Variants in GCLM observed in about 807,000 individuals in gnomAD.
GCLM encodes glutamate-cysteine ligase modifier subunit.
Under a neutral mutation model 36.0 loss-of-function variants are expected in GCLM, and 15 were observed. That is an observed-to-expected ratio of 0.42 (90% CI 0.28 to 0.64). The LOEUF (loss-of-function observed/expected upper bound fraction) is 0.64, where lower values mean the gene tolerates loss of function less well. Among genes scored for constraint, GCLM ranks in the 30% least tolerant of loss-of-function variants. The pLI is 0.25. For missense variants in GCLM, 242 were observed against 325.5 expected (o/e 0.74, Z 1.97); for synonymous variants, 129 against 122.8 (o/e 1.05, Z -0.34).
intron 6 of GCLM, among the ~76,000 whole-genome samples, chr1:93,892,368 GA>G (rs1293059297): frequency 6.6e-6 from 1 of 152,072 alleles, no homozygotes; most frequent in Non-Finnish European, 1.5e-5. Flanking sequence ...AAATTTTACA[GA>G]GTTAAATGTT....
At chr1:93,891,795 C>T (rs865959949) in intron 6 of GCLM, among the ~76,000 whole-genome samples, 1 of 152,166 alleles carries the variant, frequency 6.6e-6, no homozygotes, top group African/African-American at 2.4e-5. Flanking sequence ...TGCTGTGATA[C>T]CTGAATAGCA....
chr1:93,904,438 C>A (rs1384233824), intron 2 of GCLM, 85 bp downstream of exon 2: 1 of 867,898 alleles, frequency 1.2e-6, no homozygotes, highest in African/African-American at 1.7e-5. Flanking sequence ...TATTTGACTT[C>A]CCTCACAAAA....
intron 6 of GCLM, among the ~76,000 whole-genome samples, chr1:93,894,118 T>C (rs1258585475): frequency 6.6e-6 from 1 of 151,480 alleles, no homozygotes; most frequent in Non-Finnish European, 1.5e-5. Flanking sequence ...ATTAGCTAAG[T>C]GTGGTGGTAT....
At chr1:93,899,494 A>G (rs1398725918) in intron 3 of GCLM, among the ~76,000 whole-genome samples, 1 of 152,194 alleles carries the variant, frequency 6.6e-6, no homozygotes, top group Non-Finnish European at 1.5e-5. Context: ...TACTAGTTCC[A>G]GTTTTCTGTT....
rs1656411428 is a variant in GCLM, at chr1:93,888,636, T to C, written c.*354A>G. The C allele has an allele frequency of 6.4e-6, 1 of 157,176 alleles. No individual in the cohort carries two copies. Among genetic ancestry groups the C allele is most frequent in the African/African-American group, 2.4e-5 (1 of 41,652 alleles). 9.7% of individuals were successfully genotyped at this position (157,176 alleles called of 1,614,324 possible). A position where few individuals can be genotyped will look rare whatever the true frequency, so the allele number is the denominator to read the frequency against. On this transcript the variant is annotated 3_prime_UTR_variant, in exon 7 of 7. Transcript: ENST00000370238. ...GCAATTAATGAATTTTTTTTGGAAA[T>C]AAAAAATATGTATATACATTACCCT...
chr1:93,908,512 G>GTA (rs1185665583), intron 1 of GCLM, among the ~76,000 whole-genome samples: 2 of 152,180 alleles, frequency 1.3e-5, no homozygotes, highest in Admixed American at 6.5e-5. Context: ...TAAAGTCAGG[G>GTA]TATTTAGGGT....
In GCLM at chr1:93,886,641, C is replaced by T. The variant is rs1179879895; in HGVS notation, c.*2349G>A. On this transcript the variant is annotated 3_prime_UTR_variant, in exon 7 of 7. Transcript: ENST00000370238. ...AGTTGAGGGTGCAGGTAGGAGATCACCAAAAAGCTCTGCTGAAGTTTAGAT... is the reference window on the plus strand; with the variant it reads ...AGTTGAGGGTGCAGGTAGGAGATCATCAAAAAGCTCTGCTGAAGTTTAGAT... 6.6e-6 allele frequency: 1 copy of T among 152,038 alleles called. No homozygotes were observed. The highest frequency in any genetic ancestry group is 1.5e-5 in the Non-Finnish European group (1 of 68,012). 9.4% of individuals were successfully genotyped at this position (152,038 alleles called of 1,614,324 possible). A position where few individuals can be genotyped will look rare whatever the true frequency, so the allele number is the denominator to read the frequency against.
intron 3 of GCLM, among the ~76,000 whole-genome samples, chr1:93,898,369 T>C (rs897784713): frequency 8.7e-5 from 13 of 148,904 alleles, no homozygotes; most frequent in African/African-American, 3.2e-4. Context: ...ATTTTCATTT[T>C]CAGACACTAT....
At chr1:93,893,476 T>TA (rs1656608894) in intron 6 of GCLM, among the ~76,000 whole-genome samples, 1 of 152,222 alleles carries the variant, frequency 6.6e-6, no homozygotes, top group Admixed American at 6.5e-5. Context: ...ATTCTTAAAA[T>TA]GAGCAAACTG....
intron 2 of GCLM, among the ~76,000 whole-genome samples, chr1:93,903,663 C>T (rs1222555810): frequency 1.3e-5 from 2 of 151,846 alleles, no homozygotes; most frequent in Non-Finnish European, 2.9e-5. Context: ...TTCCTGAGTG[C>T]AGCAGAAAAA....
rs1656357920 is a variant in GCLM, at chr1:93,887,449, G to T, written c.*1541C>A. 1 of 149,174 alleles carries T rather than the reference G, an allele frequency of 6.7e-6. No homozygotes were observed. The highest frequency in any genetic ancestry group is 1.5e-5 in the Non-Finnish European group (1 of 67,412). The allele number at this position is 149,174 out of a possible 1,614,324, so 9.2% of individuals were successfully genotyped here. A position where few individuals can be genotyped will look rare whatever the true frequency, so the allele number is the denominator to read the frequency against. ...AAAATTAGTTTTATTTAGGCCTGTG[G>T]TTTAAAAATATTGAGATACAAGAGT... On this transcript the variant is annotated 3_prime_UTR_variant, in exon 7 of 7. Transcript: ENST00000370238.
At position 93,886,533 on chromosome 1, in the gene GCLM, G is replaced by A. The variant is rs949790880; in HGVS notation, c.*2457C>T. ...TCAATAATAGAAAATCAAGAGTAGAGAGGTAAAAGTAAAAACTCATCAAAA... is the reference window on the plus strand; with the variant it reads ...TCAATAATAGAAAATCAAGAGTAGAAAGGTAAAAGTAAAAACTCATCAAAA... On this transcript the variant is annotated 3_prime_UTR_variant, in exon 7 of 7. Transcript: ENST00000370238. The A allele has an allele frequency of 6.6e-6, 1 of 152,110 alleles. No individual in the cohort carries two copies. The highest frequency in any genetic ancestry group is 6.6e-5 in the Admixed American group (1 of 15,252). 9.4% of individuals were successfully genotyped at this position (152,110 alleles called of 1,614,324 possible). A position where few individuals can be genotyped will look rare whatever the true frequency, so the allele number is the denominator to read the frequency against.
chr1:93,898,029 A>G (rs1382487947), intron 3 of GCLM, 131 bp from the exon 4 acceptor site: 5 of 455,628 alleles, frequency 1.1e-5, no homozygotes, highest in Non-Finnish European at 1.9e-5. Context: ...TCCCAGTCAC[A>G]TAACTTTATA....
At chr1:93,896,880 A>T (rs1656755128) in intron 4 of GCLM, 60 bp from the exon 5 acceptor site, 5 of 940,064 alleles carry the variant, frequency 5.3e-6, no homozygotes, top group Non-Finnish European at 8.7e-6. Context: ...AAATATTTCT[A>T]ATGTTTTCAA....
At position 93,909,097 on chromosome 1, in the gene GCLM, C is replaced by T; in HGVS notation, c.67G>A (p.Gly23Arg). 6.8e-7 allele frequency: 1 copy of T among 1,472,848 alleles called. No homozygotes were observed. The highest frequency in any genetic ancestry group is 9.0e-7 in the Non-Finnish European group (1 of 1,117,164). 91.2% of individuals were successfully genotyped at this position (1,472,848 alleles called of 1,614,324 possible). The change falls in exon 1 of 7, where the codon GGG becomes AGG. Residue 23 changes from glycine to arginine, a missense_variant. By Grantham distance (125) the Gly-to-Arg change is moderately radical. Transcript: ENST00000370238. ...ARARTLHLQTGNLLNWGRLRK... is the reference protein window; with the variant it reads ...ARARTLHLQTRNLLNWGRLRK... Reference sequence around the variant, plus strand: ...AGGCGGCCCCAGTTCAGCAGGTTCCCCGTCTGCAGGTGCAGGGTGCGGGCC... The same window carrying T: ...AGGCGGCCCCAGTTCAGCAGGTTCCTCGTCTGCAGGTGCAGGGTGCGGGCC...
At position 93,894,688 on chromosome 1, in the gene GCLM, C is replaced by T; in HGVS notation, c.581G>A (p.Cys194Tyr). 3 of 1,611,078 alleles carry T rather than the reference C, an allele frequency of 1.9e-6. No homozygotes were observed. The highest frequency in any genetic ancestry group is 2.5e-6 in the Non-Finnish European group (3 of 1,177,408). Residue 194 changes from cysteine (C) to tyrosine (Y), a missense_variant, in exon 6 of 7, where the codon TGT becomes TAT. Coordinates refer to ENST00000370238, the MANE Select transcript of GCLM (RefSeq NM_002061.4). ...TGCAGTCAAATCTGGTGGCATCACA[C>T]AGCAGGAGGCAAGATTAACTTGGTT... is the stretch of plus-strand genomic sequence containing the variant. ...NSNQVNLASC[C>Y]VMPPDLTAFA... is the part of the protein sequence containing the mutation.
At chr1:93,904,679 G>A (rs1657078733) in intron 1 of GCLM, 91 bp from the exon 2 acceptor site, 13 of 813,950 alleles carry the variant, frequency 1.6e-5, no homozygotes, top group Admixed American at 1.4e-4. Context: ...TGATAAGCAG[G>A]AAAAAAAAGA....
intron 4 of GCLM, among the ~76,000 whole-genome samples, 182 bp downstream of exon 4, chr1:93,897,657 T>C (rs1430102652): frequency 6.6e-5 from 10 of 152,274 alleles, no homozygotes; most frequent in African/African-American, 2.2e-4. Flanking sequence ...CATATCAAAA[T>C]ATGACCCTAC....
chr1:93,909,177 C>A lies in GCLM; in HGVS notation c.-14G>T. The A allele has an allele frequency of 1.0e-5, 13 of 1,260,440 alleles. No homozygotes were observed. Among genetic ancestry groups the A allele is most frequent in the Non-Finnish European group, 1.3e-5 (13 of 1,004,314 alleles). The allele number at this position is 1,260,440 out of a possible 1,614,324, so 78.1% of individuals were successfully genotyped here. A position where few individuals can be genotyped will look rare whatever the true frequency, so the allele number is the denominator to read the frequency against. ...GTCGGTGCCCATGGCAGCGGCCGCC[C>A]AGGGGCCGCGCAGCGAAGGGGCTGC... On this transcript the variant is annotated 5_prime_UTR_variant, in exon 1 of 7. Coordinates refer to ENST00000370238, the MANE Select transcript of GCLM (RefSeq NM_002061.4).
Sources: gnomAD v4.1 joint callset for allele counts (sites outside exome capture counted in the v4.1 genomes callset) on GRCh38, gnomAD v4.1.1 for gene constraint, MANE v1.5 for transcripts, NCBI Gene and HGNC (gene_info 2026-07-23, HGNC 2026-07-21) for gene names.